ITGB7: variants seen among roughly 807,000 people sequenced by gnomAD.
ITGB7 encodes the protein integrin subunit beta 7.
ITGB7 carries 55 observed loss-of-function variants against 83.4 expected under a neutral mutation model. The observed-to-expected ratio is 0.66, with a 90% CI of 0.53 to 0.83. The LOEUF (loss-of-function observed/expected upper bound fraction) is 0.83. ITGB7 is among the 40% of genes least tolerant of loss of function. The pLI is 0.00. For synonymous variants in ITGB7, 454 were observed against 423.6 expected (o/e 1.07, Z -0.88); for missense variants, 921 against 1,046.7 (o/e 0.88, Z 1.66).
chr12:53,191,841 A>T lies in ITGB7; in HGVS notation c.2316+18T>A. ...GGGGGAACAGCTAAAAAGGGGCCTA[A>T]CCAGGAAGTCTCCTCACCTGCTTCC... On this transcript the variant is annotated intron_variant, in intron 15 of 15. Transcript: ENST00000267082. 4 of 1,612,386 alleles carry T rather than the reference A, an allele frequency of 2.5e-6. No individual in the cohort carries two copies. Among genetic ancestry groups the T allele is most frequent in the South Asian group, 2.2e-5 (2 of 90,984 alleles).
At chr12:53,192,267 A>C in intron 14 of ITGB7, 63 bp downstream of exon 14, 1 of 1,507,676 alleles carries the variant, frequency 6.6e-7, no homozygotes, top group Non-Finnish European at 9.2e-7. Context: ...TTCACTCTGC[A>C]TCCCCAGAGT....
Position 53,192,748 on chromosome 12 carries a change from T to C in ITGB7, c.1889A>G (p.Tyr630Cys), listed in dbSNP as rs1284381209. 1 of 1,614,240 alleles carries C rather than the reference T, an allele frequency of 6.2e-7. No individual in the cohort carries two copies. Among genetic ancestry groups the C allele is most frequent in the Non-Finnish European group, 8.5e-7 (1 of 1,180,036 alleles). ...KCNRCQCLDG[Y>C]YGALCDQCPG... ...GCATTGGTCGCATAGAGCACCATAG[T>C]AGCCGTCCAAGCACTGGCAGCGGTT... Residue 630 changes from tyrosine (Y) to cysteine (C), a missense_variant, in exon 13 of 16, where the codon TAC becomes TGC. Tyr to Cys is a radical substitution (Grantham distance 194). Transcript: ENST00000267082.
At chr12:53,192,936 A>T (rs1277168194) in intron 12 of ITGB7, 26 bp from the exon 13 acceptor site, 22 of 1,604,246 alleles carry the variant, frequency 1.4e-5, no homozygotes, top group Non-Finnish European at 1.9e-5. Flanking sequence ...GCAGAGGGTG[A>T]CAACCATACT....
At chr12:53,193,501 G>T in intron 11 of ITGB7, 138 bp from the exon 12 acceptor site, 3 of 762,010 alleles carry the variant, frequency 3.9e-6, no homozygotes, top group Non-Finnish European at 6.3e-6. Context: ...TAAGTATAGT[G>T]AAACACTGAG....
At chr12:53,198,808 A>G (rs1942252681) in intron 3 of ITGB7, among the ~76,000 whole-genome samples, 1 of 152,192 alleles carries the variant, frequency 6.6e-6, no homozygotes, top group Non-Finnish European at 1.5e-5. Context: ...TTGGAAAGGA[A>G]AGGATAAGAA....
intron 9 of ITGB7, chr12:53,194,864 G>A (rs1245718478): frequency 2.4e-5 from 4 of 168,854 alleles, no homozygotes; most frequent in African/African-American, 7.2e-5. Context: ...TTCTTGTGAA[G>A]AATAGCTCTG....
Position 53,196,731 on chromosome 12 carries a change from G to A in ITGB7, c.664C>T (p.Arg222Cys), listed in dbSNP as rs779111282. 4.3e-6 allele frequency: 7 copies of A among 1,613,392 alleles called. No homozygotes were observed. Among genetic ancestry groups the A allele is most frequent in the Non-Finnish European group, 5.1e-6 (6 of 1,179,612 alleles). ...LRHPCPTRLE[R>C]CQSPFSFHHV... The stretch of plus-strand genomic sequence containing the variant: ...TGAAAGCTGAATGGTGACTGGCAGC[G>A]CTCCAGCCGGGTGGGGCAGGGGTGG... The change falls in exon 6 of 16, where the codon CGC becomes TGC. Residue 222 changes from arginine to cysteine, a missense_variant. Physicochemically the swap from Arg to Cys is radical, Grantham distance 180. Transcript: ENST00000267082.
Position 53,193,220 on chromosome 12 carries a change from C to T in ITGB7, c.1646G>A (p.Ser549Asn), listed in dbSNP as rs1166553966. ...ATGCCCAGAGCTCTGTCCACTGCAG[C>T]TGCAGCGTCCACATTGACAGTGACC... ...GKGHCQCGRC[S>N]CSGQSSGHLC... Residue 549 changes from serine to asparagine, a missense_variant, in exon 12 of 16, where the codon AGC becomes AAC. Physicochemically the swap from Ser to Asn is conservative, Grantham distance 46. Coordinates refer to ENST00000267082, the MANE Select transcript of ITGB7 (RefSeq NM_000889.3). 1.9e-6 allele frequency: 3 copies of T among 1,614,170 alleles called. No homozygotes were observed. The South Asian group carries it at 3.3e-5, about 18-fold the overall frequency.
At chr12:53,204,059 C>T (rs1315454848) in intron 1 of ITGB7, among the ~76,000 whole-genome samples, 1 of 152,136 alleles carries the variant, frequency 6.6e-6, no homozygotes, top group Non-Finnish European at 1.5e-5. Flanking sequence ...TATATCCATA[C>T]AGCAGAACGT....
At position 53,192,685 on chromosome 12, in the gene ITGB7, C is replaced by T. The variant is rs111396264; in HGVS notation, c.1946+6G>A. The T allele has an allele frequency of 3.9e-5, 63 of 1,612,056 alleles. 3 individuals carry two copies. In the African/African-American group the frequency reaches 4.4e-4, roughly 11 times the overall value. On this transcript the variant is annotated splice_donor_region_variant and intron_variant, in intron 13 of 15. Transcript: ENST00000267082. ...TGCTCCCAAGATGCAAGACCTGAGG[C>T]CTCACCGGTGTCTCTCGCATGGTGT...
Position 53,192,827 on chromosome 12 carries a change from T to A in ITGB7, c.1810A>T (p.Ser604Cys). The A allele has an allele frequency of 6.2e-7, 1 of 1,614,202 alleles. No individual in the cohort carries two copies. Among genetic ancestry groups the A allele is most frequent in the Non-Finnish European group, 8.5e-7 (1 of 1,180,026 alleles). ...AGCCCTCCCTCGGGACTGATGCAAC[T>A]GTCCATGTCCCCACTGCATTCGCAT... ...RACECSGDMD[S>C]CISPEGGLCS... Residue 604 changes from serine to cysteine, a missense_variant, in exon 13 of 16, where the codon AGT (serine) becomes TGT (cysteine). Physicochemically the swap from Ser to Cys is moderately radical, Grantham distance 112. Coordinates refer to ENST00000267082, the MANE Select transcript of ITGB7 (RefSeq NM_000889.3).
intron 3 of ITGB7, among the ~76,000 whole-genome samples, chr12:53,198,301 A>G (rs1439443186): frequency 1.3e-5 from 2 of 151,648 alleles, no homozygotes; most frequent in Non-Finnish European, 2.9e-5. Flanking sequence ...GGTTTTTTGT[A>G]TTTTTAGTAG....
rs1396023116 is a variant in ITGB7, at chr12:53,200,416, A to C, written c.28T>G (p.Leu10Val). 1 of 1,614,096 alleles carries C rather than the reference A, an allele frequency of 6.2e-7. No individual in the cohort carries two copies. The highest frequency in any genetic ancestry group is 8.5e-7 in the Non-Finnish European group (1 of 1,180,040). Residue 10 changes from leucine (L) to valine (V), a missense_variant, in exon 3 of 16, where the codon TTG (leucine) becomes GTG (valine). Physicochemically the swap from Leu to Val is conservative, Grantham distance 32. Coordinates refer to ENST00000267082, the MANE Select transcript of ITGB7 (RefSeq NM_000889.3). ...TCACCTCTGCTCAGGACCAGCAGCA[A>C]AACAAGGACCATTGGCAAAGCCACC... MVALPMVLV[L>V]LLVLSRGESE...
At chr12:53,191,799 A>G (rs1941956102) in intron 15 of ITGB7, 60 bp downstream of exon 15, 2 of 1,602,766 alleles carry the variant, frequency 1.2e-6, no homozygotes, top group Middle Eastern at 1.7e-4. Flanking sequence ...GGGAGGAATC[A>G]GGGCTGGTCT....
intron 15 of ITGB7, 55 bp downstream of exon 15, chr12:53,191,804 T>C (rs1941956409): frequency 6.2e-7 from 1 of 1,608,084 alleles, no homozygotes; most frequent in South Asian, 1.1e-5. Context: ...GAATCAGGGC[T>C]GGTCTTGTGG....
In ITGB7 at chr12:53,195,397, G is replaced by A; in HGVS notation, c.1138C>T (p.Gln380Ter). 1 of 1,612,740 alleles carries A rather than the reference G, an allele frequency of 6.2e-7. No homozygotes were observed. Among genetic ancestry groups the A allele is most frequent in the Non-Finnish European group, 8.5e-7 (1 of 1,178,930 alleles). ...ELSEDSSNVVQLIMDAYNSLS... is the reference protein window; with the variant it reads ...ELSEDSSNVV ...ACATTATAAGCATCCATGATGAGCTGTACCACGTTGCTGGAGTCCTCACTC... is the reference window on the plus strand; with the variant it reads ...ACATTATAAGCATCCATGATGAGCTATACCACGTTGCTGGAGTCCTCACTC... The change falls in exon 9 of 16, where the codon CAG becomes TAG. Residue 380 changes from glutamine (Q) to a stop codon, truncating the protein, a stop_gained. Coordinates refer to ENST00000267082, the MANE Select transcript of ITGB7 (RefSeq NM_000889.3). LOFTEE classifies it high-confidence loss of function.
intron 3 of ITGB7, among the ~76,000 whole-genome samples, chr12:53,198,696 A>C (rs1444227612): frequency 6.6e-6 from 1 of 150,616 alleles, no homozygotes; most frequent in Non-Finnish European, 1.5e-5. Context: ...GATCTTAGAG[A>C]CTTCACTACC....
intron 15 of ITGB7, 27 bp from the exon 16 acceptor site, chr12:53,191,663 G>A: frequency 1.3e-6 from 2 of 1,598,214 alleles, no homozygotes; most frequent in South Asian, 1.1e-5. Flanking sequence ...CAGATTATAA[G>A]CAAAAATCCC....
chr12:53,195,861 G>T, intron 7 of ITGB7, 140 bp from the exon 8 acceptor site: 1 of 961,600 alleles, frequency 1.0e-6, no homozygotes, highest in Non-Finnish European at 1.6e-6. Flanking sequence ...TAGGAAGGAG[G>T]TAGGGAATGG....
Sources: gnomAD v4.1 joint callset for allele counts (sites outside exome capture counted in the v4.1 genomes callset) on GRCh38, gnomAD v4.1.1 for gene constraint, MANE v1.5 for transcripts, NCBI Gene and HGNC (gene_info 2026-07-23, HGNC 2026-07-21) for gene names.